Variants in RUFY3 observed in about 807,000 individuals in gnomAD.
The protein encoded by RUFY3 is protein RUFY3.
Under a neutral mutation model 84.0 loss-of-function variants are expected in RUFY3, and 34 were observed. The observed-to-expected ratio is 0.40, with a 90% CI of 0.31 to 0.54. RUFY3 has a LOEUF of 0.54. Among genes scored for constraint, RUFY3 ranks in the 20% least tolerant of loss-of-function variants. The pLI is 0.39. For missense variants in RUFY3, 507 were observed against 736.8 expected, an observed-to-expected ratio of 0.69 and a Z score of 3.61; for synonymous variants, 242 against 252.9, an observed-to-expected ratio of 0.96 and a Z score of 0.41.
At chr4:70,726,596 C>G (rs1041295606) in intron 1 of RUFY3, among the ~76,000 whole-genome samples, 1 of 152,234 alleles carries the variant, frequency 6.6e-6, no homozygotes, top group Admixed American at 6.5e-5. Flanking sequence ...TGGTCTCGAA[C>G]TCCCGACCTC....
chr4:70,796,946 CTTTTTTTTTTTTTT>C (rs1219051739), intron 14 of RUFY3, among the ~76,000 whole-genome samples: 1 of 135,180 alleles, frequency 7.4e-6, no homozygotes, highest in Non-Finnish European at 1.6e-5. Context: ...CTTTTCTTTT[CTTTTTTTTTTTTTT>C]GAAACAGAGT....
At chr4:70,704,825 G>C in exon 1 of RUFY3, 1 of 669,120 alleles carries the variant, frequency 1.5e-6, no homozygotes, top group Non-Finnish European at 2.1e-6. Context: ...AGGTGGCGGT[G>C]GCGGCGGCGG....
At chr4:70,764,674 T>G in intron 4 of RUFY3, 98 bp downstream of exon 4, 1 of 677,588 alleles carries the variant, frequency 1.5e-6, no homozygotes, top group East Asian at 2.7e-5. Flanking sequence ...ATCAGAAACA[T>G]TTGATTCATA....
At chr4:70,799,144 C>CAA (rs547398917) in intron 14 of RUFY3, among the ~76,000 whole-genome samples, 13 of 64,114 alleles carry the variant, frequency 2.0e-4, no homozygotes, top group Non-Finnish European at 3.3e-4. Context: ...GACTCCGTCT[C>CAA]AAAAAAAAAA....
chr4:70,713,223 A>G (rs1741187181), intron 1 of RUFY3, among the ~76,000 whole-genome samples: 1 of 152,148 alleles, frequency 6.6e-6, no homozygotes, highest in African/African-American at 2.4e-5. Flanking sequence ...GGGTTTTGCC[A>G]TGTTGGCCAG....
At chr4:70,715,896 G>A (rs1577911715) in intron 1 of RUFY3, among the ~76,000 whole-genome samples, 3 of 152,062 alleles carry the variant, frequency 2.0e-5, no homozygotes, top group African/African-American at 2.4e-5. Flanking sequence ...GGCAGATCAC[G>A]AGGTCAGGAG....
intron 1 of RUFY3, among the ~76,000 whole-genome samples, chr4:70,726,352 A>C (rs1718232377): frequency 1.3e-5 from 2 of 152,152 alleles, no homozygotes; most frequent in African/African-American, 4.8e-5. Context: ...TAACAAAAGC[A>C]CTACCATCAC....
intron 10 of RUFY3, among the ~76,000 whole-genome samples, chr4:70,786,614 G>T (rs765778468): frequency 6.6e-6 from 1 of 151,884 alleles, no homozygotes; most frequent in South Asian, 2.1e-4. Context: ...CTCTGATTTG[G>T]TCATTACACA....
At chr4:70,718,574 C>T (rs757975602), upstream of RUFY3, among the ~76,000 whole-genome samples, 23 of 151,864 alleles carry the variant, frequency 1.5e-4, no homozygotes, top group Non-Finnish European at 2.8e-4. Context: ...GAAAATAGTT[C>T]AATACAGCTC....
chr4:70,704,079 G>A (rs1739984468), upstream of RUFY3: 1 of 152,236 alleles, frequency 6.6e-6, no homozygotes, highest in African/African-American at 2.4e-5. Context: ...CGAGACACGG[G>A]CACTGTGAAA....
At chr4:70,715,350 G>A (rs1032839028) in intron 1 of RUFY3, among the ~76,000 whole-genome samples, 3 of 151,816 alleles carry the variant, frequency 2.0e-5, no homozygotes, top group African/African-American at 7.3e-5. Flanking sequence ...TTGGGAGGCC[G>A]AGGCACGTGG....
chr4:70,796,651 C>G (rs1276886347), intron 14 of RUFY3, among the ~76,000 whole-genome samples: 3 of 152,170 alleles, frequency 2.0e-5, no homozygotes, highest in African/African-American at 4.8e-5. Flanking sequence ...ATTGTTGGTC[C>G]TCTTCAATTA....
At chr4:70,746,340 T>TAA (rs570194881) in intron 1 of RUFY3, among the ~76,000 whole-genome samples, 29 of 135,694 alleles carry the variant, frequency 2.1e-4, no homozygotes, top group East Asian at 1.3e-3. Context: ...CAAGACTCCT[T>TAA]AAAAAAAAAA....
upstream of RUFY3, among the ~76,000 whole-genome samples, chr4:70,719,697 C>T (rs1217502490): frequency 1.3e-5 from 2 of 152,072 alleles, no homozygotes; most frequent in East Asian, 3.9e-4. Context: ...TATAAACTGT[C>T]CCCTTATTAA....
chr4:70,750,570 A>AATTC (rs1722968866), intron 1 of RUFY3, among the ~76,000 whole-genome samples: 5 of 152,330 alleles, frequency 3.3e-5, no homozygotes, highest in South Asian at 4.1e-4. Flanking sequence ...CACCACTTTA[A>AATTC]AGTGTACAAT....
chr4:70,780,480 A>G (rs371240452), intron 8 of RUFY3, among the ~76,000 whole-genome samples: 2 of 152,020 alleles, frequency 1.3e-5, no homozygotes, highest in East Asian at 1.9e-4. Flanking sequence ...TTTTATAGAA[A>G]CAGAGTTTCA....
rs1733003376 is a variant in RUFY3, at chr4:70,807,979, A to G, written c.*1320A>G. Reference sequence around the variant, plus strand: ...ATTGGTTCCAGGAACCCAACTTGATATCAGAATCCATGGGTGCTCAAGTCC... The same window carrying G: ...ATTGGTTCCAGGAACCCAACTTGATGTCAGAATCCATGGGTGCTCAAGTCC... On this transcript the variant is annotated 3_prime_UTR_variant, in exon 18 of 18. Coordinates refer to ENST00000381006, the MANE Select transcript of RUFY3 (RefSeq NM_001037442.4). Among the ~76,000 whole-genome samples, 1 of 152,128 alleles carries G rather than the reference A, an allele frequency of 6.6e-6. No individual in the cohort carries two copies. The highest frequency in any genetic ancestry group is 2.1e-4 in the South Asian group (1 of 4,822).
intron 12 of RUFY3, among the ~76,000 whole-genome samples, chr4:70,790,426 C>G (rs1474159534): frequency 1.3e-5 from 2 of 152,168 alleles, no homozygotes; most frequent in Non-Finnish European, 2.9e-5. Flanking sequence ...CCTGTACTTC[C>G]CATTTTTCCC....
intron 17 of RUFY3, 149 bp downstream of exon 17, chr4:70,804,565 A>C: frequency 1.9e-6 from 1 of 535,514 alleles, no homozygotes; most frequent in South Asian, 3.0e-5. Flanking sequence ...AGGGGCAAGC[A>C]TTTACTGGGT....
Sources: allele counts gnomAD v4.1 joint callset (sites outside exome capture counted in the v4.1 genomes callset), GRCh38; gene constraint gnomAD v4.1.1; transcripts MANE v1.5; gene names NCBI Gene and HGNC (gene_info 2026-07-23, HGNC 2026-07-21).